Variants in TNIP3 observed in about 807,000 individuals in gnomAD.
TNIP3 encodes TNFAIP3-interacting protein 3.
TNIP3 carries 34 observed loss-of-function variants against 54.1 expected under a neutral mutation model. The ratio of observed to expected loss-of-function variants is 0.63; its 90% confidence interval spans 0.48 to 0.84. The LOEUF (loss-of-function observed/expected upper bound fraction) is 0.84, where lower values mean the gene tolerates loss of function less well. Among genes scored for constraint, TNIP3 ranks in the 40% least tolerant of loss-of-function variants. The pLI is 0.00. For missense variants in TNIP3, 366 were observed against 387.6 expected (o/e 0.94, Z 0.47); for synonymous variants, 134 against 136.8 (o/e 0.98, Z 0.14).
chr4:121,216,635 G>C, upstream of TNIP3: 1 of 1,446,708 alleles, frequency 6.9e-7, no homozygotes, highest in Non-Finnish European at 9.1e-7. Flanking sequence ...CTCATGTCTT[G>C]TTTTCAGCCC....
At chr4:121,221,223 T>C (rs1313586784), upstream of TNIP3, among the ~76,000 whole-genome samples, 1 of 152,202 alleles carries the variant, frequency 6.6e-6, no homozygotes, top group Non-Finnish European at 1.5e-5. Flanking sequence ...TATGTTTTTC[T>C]AATAATATCT....
upstream of TNIP3, among the ~76,000 whole-genome samples, chr4:121,218,644 CTCTT>C (rs1270085571): frequency 2.0e-5 from 3 of 151,194 alleles, no homozygotes; most frequent in South Asian, 2.1e-4. Flanking sequence ...CTCTCTGTCT[CTCTT>C]TCTTTTGAGA....
chr4:121,153,335 C>T (rs1253861601), intron 5 of TNIP3, among the ~76,000 whole-genome samples: 2 of 152,246 alleles, frequency 1.3e-5, no homozygotes, highest in African/African-American at 4.8e-5. Flanking sequence ...GTTCTAATAT[C>T]TACAAGGTTT....
chr4:121,209,354 A>G (rs937318558), intron 2 of TNIP3, among the ~76,000 whole-genome samples: 1 of 152,212 alleles, frequency 6.6e-6, no homozygotes, highest in Non-Finnish European at 1.5e-5. Context: ...CACTGGACTT[A>G]TAACTGGCCT....
intron 3 of TNIP3, among the ~76,000 whole-genome samples, chr4:121,170,258 A>G (rs1358986966): frequency 6.6e-6 from 1 of 152,226 alleles, no homozygotes; most frequent in South Asian, 2.1e-4. Context: ...AGCCTTAGGA[A>G]CTACCACAGT....
At chr4:121,164,816 T>C (rs1312375465), upstream of TNIP3, among the ~76,000 whole-genome samples, 1 of 152,226 alleles carries the variant, frequency 6.6e-6, no homozygotes, top group Non-Finnish European at 1.5e-5. Context: ...GTTAAACTTG[T>C]CTCAAGTTTA....
intron 3 of TNIP3, among the ~76,000 whole-genome samples, chr4:121,174,198 G>A (rs1050073167): frequency 3.7e-4 from 57 of 152,072 alleles, no homozygotes; most frequent in African/African-American, 1.3e-3. Flanking sequence ...TTTCAACACC[G>A]TATCTATAGA....
At chr4:121,219,027 G>C (rs568185341), upstream of TNIP3, among the ~76,000 whole-genome samples, 3 of 152,132 alleles carry the variant, frequency 2.0e-5, no homozygotes, top group South Asian at 6.2e-4. Flanking sequence ...TGGAGAAATG[G>C]TGTCTCTACT....
At chr4:121,200,925 G>A (rs1579484044) in intron 2 of TNIP3, among the ~76,000 whole-genome samples, 1 of 152,164 alleles carries the variant, frequency 6.6e-6, no homozygotes. Flanking sequence ...GTCACAAAGT[G>A]AAACTGGCTT....
chr4:121,169,925 A>C (rs1730977581), intron 3 of TNIP3, among the ~76,000 whole-genome samples: 1 of 152,236 alleles, frequency 6.6e-6, no homozygotes, highest in South Asian at 2.1e-4. Flanking sequence ...TTTAGGGCAC[A>C]TCAGATACAT....
intron 3 of TNIP3, among the ~76,000 whole-genome samples, chr4:121,173,472 A>G (rs565368404): frequency 1.2e-4 from 19 of 152,344 alleles, no homozygotes; most frequent in African/African-American, 4.6e-4. Flanking sequence ...GTTAGAAAAG[A>G]GAAATTCAGC....
At chr4:121,161,026 A>G (rs1307528837) in intron 2 of TNIP3, 110 bp downstream of exon 2, 1 of 861,104 alleles carries the variant, frequency 1.2e-6, no homozygotes, top group African/African-American at 1.7e-5. Context: ...TATCTTAAAG[A>G]TAAATACTGT....
chr4:121,138,590 C>T, intron 10 of TNIP3, 34 bp downstream of exon 10: 1 of 1,596,674 alleles, frequency 6.3e-7, no homozygotes, highest in Non-Finnish European at 8.6e-7. Context: ...AAGATGTAAA[C>T]ATGAAAGAAT....
In TNIP3 at chr4:121,131,893, C is replaced by G. The variant is rs1728495697; in HGVS notation, c.*738G>C. On this transcript the variant is annotated 3_prime_UTR_variant, in exon 11 of 11. Coordinates refer to ENST00000057513, the MANE Select transcript of TNIP3 (RefSeq NM_024873.6). The stretch of plus-strand genomic sequence containing the variant: ...AAAGCAATCCACCTGCCTCAGCCTC[C>G]CAAAGTGCTGGGATTATAGGCATGA... The G allele has an allele frequency of 6.6e-6, 1 of 152,244 alleles. No homozygotes were observed. Among genetic ancestry groups the G allele is most frequent in the African/African-American group, 2.4e-5 (1 of 41,402 alleles). 9.4% of individuals were successfully genotyped at this position (152,244 alleles called of 1,614,324 possible). A position where few individuals can be genotyped will look rare whatever the true frequency, so the allele number is the denominator to read the frequency against.
At chr4:121,197,669 C>G (rs2148837418) in intron 2 of TNIP3, among the ~76,000 whole-genome samples, 1 of 151,916 alleles carries the variant, frequency 6.6e-6, no homozygotes, top group East Asian at 1.9e-4. Context: ...CTATTCCAAA[C>G]CTAGCTGGAA....
At chr4:121,203,216 T>TATAGATAGATG (rs1553936813) in intron 2 of TNIP3, among the ~76,000 whole-genome samples, 1 of 146,964 alleles carries the variant, frequency 6.8e-6, no homozygotes, top group Non-Finnish European at 1.5e-5. Flanking sequence ...GAAAATGTGA[T>TATAGATAGATG]ATAGATAGAT....
chr4:121,159,614 AT>A (rs1730325687), intron 2 of TNIP3, among the ~76,000 whole-genome samples: 1 of 152,272 alleles, frequency 6.6e-6, no homozygotes, highest in Non-Finnish European at 1.5e-5. Context: ...TTAACACATG[AT>A]TTATAATAAA....
At chr4:121,185,493 C>G (rs1724967046) in intron 2 of TNIP3, among the ~76,000 whole-genome samples, 1 of 152,042 alleles carries the variant, frequency 6.6e-6, no homozygotes, top group African/African-American at 2.4e-5. Context: ...CTCCCTTGCC[C>G]CATCTATGTC....
intron 10 of TNIP3, among the ~76,000 whole-genome samples, chr4:121,135,128 T>A (rs550229322): frequency 1.3e-5 from 2 of 152,354 alleles, no homozygotes; most frequent in South Asian, 2.1e-4. Flanking sequence ...TGTGCCACCA[T>A]GTCCTGTCAC....
Sources: allele counts gnomAD v4.1 joint callset (sites outside exome capture counted in the v4.1 genomes callset), GRCh38; gene constraint gnomAD v4.1.1; transcripts MANE v1.5; gene names NCBI Gene and HGNC (gene_info 2026-07-23, HGNC 2026-07-21).